Variants in LRRC4C observed in about 807,000 individuals in gnomAD.
LRRC4C encodes the protein leucine-rich repeat-containing protein 4C.
In LRRC4C, 5 loss-of-function variants were observed where a neutral mutation model predicts 33.6. That is an observed-to-expected ratio of 0.15 (90% CI 0.08 to 0.31). The LOEUF (loss-of-function observed/expected upper bound fraction) is 0.31, where lower values mean the gene tolerates loss of function less well. LRRC4C is among the 10% of genes least tolerant of loss of function. The pLI, the probability that LRRC4C is intolerant of heterozygous loss-of-function variation, is 1.00. For synonymous variants in LRRC4C, 329 were observed against 302.0 expected (o/e 1.09, Z -0.93); for missense variants, 560 against 796.7 (o/e 0.70, Z 3.58).
chr11:40,818,955 A>G (rs1951814323), intron 2 of LRRC4C, among the ~76,000 whole-genome samples: 1 of 152,152 alleles, frequency 6.6e-6, no homozygotes, highest in Admixed American at 6.6e-5. Flanking sequence ...GAACAGGTAG[A>G]TATAATACAT....
intron 3 of LRRC4C, among the ~76,000 whole-genome samples, chr11:40,379,424 C>T (rs1333232344): frequency 6.6e-6 from 1 of 152,096 alleles, no homozygotes; most frequent in African/African-American, 2.4e-5. Context: ...TCTACCTTCA[C>T]CCAAATCATT....
chr11:41,220,656 GT>G (rs1947267854), intron 1 of LRRC4C, among the ~76,000 whole-genome samples: 1 of 151,680 alleles, frequency 6.6e-6, no homozygotes, highest in Non-Finnish European at 1.5e-5. Flanking sequence ...AATGATTTGT[GT>G]GGAAACACAA....
intron 1 of LRRC4C, among the ~76,000 whole-genome samples, chr11:41,407,920 G>A (rs1206640609): frequency 2.6e-5 from 4 of 152,146 alleles, no homozygotes; most frequent in Non-Finnish European, 5.9e-5. Context: ...TAGCAGCTGT[G>A]GAAAGCTTCT....
At chr11:40,142,354 T>C (rs771232844) in intron 5 of LRRC4C, among the ~76,000 whole-genome samples, 8 of 150,852 alleles carry the variant, frequency 5.3e-5, no homozygotes, top group Non-Finnish European at 1.0e-4. Flanking sequence ...CAAGAAGTAT[T>C]AACTACCCTT....
chr11:41,277,889 G>T (rs913750128), intron 1 of LRRC4C, among the ~76,000 whole-genome samples: 3 of 151,720 alleles, frequency 2.0e-5, no homozygotes, highest in Non-Finnish European at 4.4e-5. Context: ...CTGGCATTTT[G>T]GTTGCACCTG....
At chr11:41,045,369 A>G (rs1857702159) in intron 1 of LRRC4C, among the ~76,000 whole-genome samples, 1 of 152,082 alleles carries the variant, frequency 6.6e-6, no homozygotes, top group Non-Finnish European at 1.5e-5. Flanking sequence ...TCGTTCCCAT[A>G]AGAATATTTA....
At chr11:40,424,478 C>T (rs1272039233) in intron 3 of LRRC4C, among the ~76,000 whole-genome samples, 2 of 152,052 alleles carry the variant, frequency 1.3e-5, no homozygotes, top group Non-Finnish European at 2.9e-5. Context: ...CTTACAGATT[C>T]CTTTACAGTT....
intron 1 of LRRC4C, among the ~76,000 whole-genome samples, chr11:41,160,925 A>C (rs1012908929): frequency 7.2e-5 from 11 of 152,172 alleles, no homozygotes; most frequent in Admixed American, 4.6e-4. Flanking sequence ...AACACAATCC[A>C]CTAATTGAGA....
intron 3 of LRRC4C, among the ~76,000 whole-genome samples, chr11:40,545,051 C>T (rs541554503): frequency 6.6e-6 from 1 of 151,820 alleles, no homozygotes; most frequent in African/African-American, 2.4e-5. Flanking sequence ...TTTTAATTTC[C>T]TTCTGGCTTT....
intron 2 of LRRC4C, among the ~76,000 whole-genome samples, chr11:40,920,372 A>T (rs1957121356): frequency 6.6e-6 from 1 of 152,196 alleles, no homozygotes; most frequent in African/African-American, 2.4e-5. Flanking sequence ...ATCATAATAC[A>T]GTGAAGACAT....
intron 3 of LRRC4C, among the ~76,000 whole-genome samples, chr11:40,616,325 G>T (rs1961823927): frequency 6.6e-6 from 1 of 151,996 alleles, no homozygotes; most frequent in African/African-American, 2.4e-5. Flanking sequence ...CTGTAAACTA[G>T]TTCAACCATT....
chr11:40,654,689 T>C (rs1943004963), intron 2 of LRRC4C, among the ~76,000 whole-genome samples: 1 of 152,274 alleles, frequency 6.6e-6, no homozygotes, highest in Non-Finnish European at 1.5e-5. Context: ...ATTAAGACTT[T>C]GGGGGACTGT....
At chr11:41,165,765 C>G (rs1313274928) in intron 1 of LRRC4C, among the ~76,000 whole-genome samples, 1 of 152,118 alleles carries the variant, frequency 6.6e-6, no homozygotes, top group South Asian at 2.1e-4. Context: ...CATAGTGGCT[C>G]AGACCTGTAA....
intron 3 of LRRC4C, among the ~76,000 whole-genome samples, chr11:40,591,893 G>T (rs1236265450): frequency 1.3e-5 from 2 of 152,134 alleles, no homozygotes; most frequent in African/African-American, 4.8e-5. Context: ...ACCAAATAAG[G>T]CGACTGTATA....
At position 40,115,677 on chromosome 11, in the gene LRRC4C, T is replaced by C; in HGVS notation, c.616A>G (p.Met206Val). 6.2e-7 allele frequency: 1 copy of C among 1,614,154 alleles called. No individual in the cohort carries two copies. The highest frequency in any genetic ancestry group is 8.5e-7 in the Non-Finnish European group (1 of 1,180,024). ...LSNLRYLNLA[M>V]CNLREIPNLT... is the part of the protein sequence containing the mutation. ...TTAGGGATTTCCCGAAGGTTGCACA[T>C]GGCAAGGTTCAAATACCTCAAGTTG... Residue 206 changes from methionine to valine, a missense_variant, in exon 7 of 7, where the codon ATG becomes GTG. By Grantham distance (21) the Met-to-Val change is conservative (BLOSUM62 1). Transcript: ENST00000528697. The surrounding 1 kb of genome is among the most constrained non-coding windows in gnomAD (Gnocchi z 6.7).
chr11:40,821,955 A>G (rs1951946642), intron 2 of LRRC4C, among the ~76,000 whole-genome samples: 1 of 151,842 alleles, frequency 6.6e-6, no homozygotes. Context: ...CATAATGACC[A>G]AATCAGGGTT....
At chr11:40,229,793 T>G (rs1865073099) in intron 5 of LRRC4C, among the ~76,000 whole-genome samples, 1 of 152,210 alleles carries the variant, frequency 6.6e-6, no homozygotes, top group South Asian at 2.1e-4. Context: ...AACCACATAC[T>G]GTAGACCTGA....
At chr11:41,049,306 CTT>C (rs1171008009) in intron 1 of LRRC4C, among the ~76,000 whole-genome samples, 1 of 152,162 alleles carries the variant, frequency 6.6e-6, no homozygotes, top group Non-Finnish European at 1.5e-5. Context: ...TAAAACATGA[CTT>C]TTGTCTTCTG....
At chr11:40,214,268 C>T (rs566237456) in intron 5 of LRRC4C, among the ~76,000 whole-genome samples, 27 of 152,284 alleles carry the variant, frequency 1.8e-4, no homozygotes, top group Admixed American at 1.4e-3. Context: ...CACATGTGCC[C>T]TTCCCCTATG....
Sources: gnomAD v4.1 joint callset for allele counts (sites outside exome capture counted in the v4.1 genomes callset) on GRCh38, gnomAD v4.1.1 for gene constraint, Gnocchi (gnomAD v3.1) non-coding constraint, MANE v1.5 for transcripts, NCBI Gene and HGNC (gene_info 2026-07-23, HGNC 2026-07-21) for gene names.